XIRP2: variants seen among roughly 807,000 people sequenced by gnomAD.
XIRP2 encodes the protein xin actin binding repeat containing 2, also known as xin actin-binding repeat-containing protein 2.
XIRP2 carries 236 observed loss-of-function variants against 277.0 expected under a neutral mutation model. The ratio of observed to expected loss-of-function variants is 0.85; its 90% CI spans 0.77 to 0.95. XIRP2 has a LOEUF of 0.95. XIRP2 is among the 40% of genes least tolerant of loss of function. The pLI is 0.00. For missense variants in XIRP2, 4,640 were observed against 4,157.5 expected (o/e 1.12, Z -3.19); for synonymous variants, 1,490 against 1,416.5 (o/e 1.05, Z -1.17).
intron 2 of XIRP2, among the ~76,000 whole-genome samples, chr2:166,919,885 G>T (rs1427199438): frequency 1.3e-5 from 2 of 152,050 alleles, no homozygotes; most frequent in Non-Finnish European, 2.9e-5. Flanking sequence ...CACATTTAAA[G>T]ATAAAATCAA....
chr2:167,249,432 A>C lies in XIRP2; in HGVS notation c.8040A>C (p.Gln2680His), dbSNP rs773484388. 3.1e-6 allele frequency: 5 copies of C among 1,613,862 alleles called. No individual in the cohort carries two copies. Among genetic ancestry groups the C allele is most frequent in the Admixed American group, 1.7e-5 (1 of 59,974 alleles). Reference sequence around the variant, plus strand: ...CTTGCGAAATTAAACAAAGTCACCAAGAATGTAGTACCCAACAAACACAAC... The same window carrying C: ...CTTGCGAAATTAAACAAAGTCACCACGAATGTAGTACCCAACAAACACAAC... ...KSACEIKQSH[Q>H]ECSTQQTQQK... The change falls in exon 9 of 11, where the codon CAA becomes CAC. Residue 2680 changes from glutamine to histidine, a missense_variant. Gln to His is a conservative substitution (Grantham distance 24). Transcript: ENST00000409195.
intron 2 of XIRP2, among the ~76,000 whole-genome samples, chr2:167,075,974 C>A (rs549352476): frequency 1.3e-5 from 2 of 152,246 alleles, no homozygotes; most frequent in Non-Finnish European, 2.9e-5. Context: ...CCCCTCCAAG[C>A]CAAGACTTGT....
chr2:167,020,421 ATTAC>A (rs1187964816), intron 2 of XIRP2, among the ~76,000 whole-genome samples: 4 of 152,040 alleles, frequency 2.6e-5, no homozygotes, highest in East Asian at 1.9e-4. Context: ...ACCACAGATC[ATTAC>A]TTAATCTTTG....
At chr2:167,208,474 A>AT (rs1474854840) in intron 3 of XIRP2, among the ~76,000 whole-genome samples, 1 of 151,980 alleles carries the variant, frequency 6.6e-6, no homozygotes, top group Non-Finnish European at 1.5e-5. Flanking sequence ...TGCCTGGCTA[A>AT]TTTTTTGTAT....
At chr2:166,988,737 G>A (rs560847363) in intron 2 of XIRP2, among the ~76,000 whole-genome samples, 7 of 71,514 alleles carry the variant, frequency 9.8e-5, no homozygotes, top group Non-Finnish European at 1.6e-4. Context: ...ACTCCCACCC[G>A]AATATTGCGC....
rs1340749574 is a variant in XIRP2, at chr2:166,940,345, A to G, written c.408+36455A>G. The stretch of plus-strand genomic sequence containing the variant: ...CACTGGTTATTCTAGTTAGCCATTC[A>G]TCTAATCTTTTTTCAAGGTTTTTAG... On this transcript the variant is annotated intron_variant, in intron 2 of 10. Transcript: ENST00000409195. Among the ~76,000 whole-genome samples, 3 of 152,258 alleles carry G rather than the reference A, an allele frequency of 2.0e-5. No individual in the cohort carries two copies. The East Asian group carries it at 5.8e-4, about 29-fold the overall frequency.
intron 3 of XIRP2, among the ~76,000 whole-genome samples, chr2:167,194,917 T>C (rs79968435): frequency 0.011 from 1,680 of 152,318 alleles, 10 homozygotes; most frequent in Non-Finnish European, 0.016. Flanking sequence ...ATTACTACTA[T>C]TATTATTTAC....
At chr2:166,938,257 C>T (rs1685578445) in intron 2 of XIRP2, among the ~76,000 whole-genome samples, 1 of 152,166 alleles carries the variant, frequency 6.6e-6, no homozygotes, top group African/African-American at 2.4e-5. Flanking sequence ...CCTCTACACA[C>T]TGCTTTATCT....
chr2:167,016,727 A>G (rs1008004645), intron 2 of XIRP2, among the ~76,000 whole-genome samples: 1 of 151,932 alleles, frequency 6.6e-6, no homozygotes, highest in Non-Finnish European at 1.5e-5. Flanking sequence ...CAGGGAGAGT[A>G]CTCAGATTTG....
intron 2 of XIRP2, among the ~76,000 whole-genome samples, chr2:167,040,365 C>A (rs78310771): frequency 0.022 from 3,404 of 152,132 alleles, 101 homozygotes; most frequent in East Asian, 0.074. Context: ...CCTGGGATTG[C>A]TGAGCACAAG....
chr2:167,184,771 G>A, intron 3 of XIRP2: 1 of 623,220 alleles, frequency 1.6e-6, no homozygotes, highest in Admixed American at 2.8e-5. Flanking sequence ...GCATTGGCCT[G>A]ATGCTAATTA....
intron 3 of XIRP2, among the ~76,000 whole-genome samples, chr2:167,154,259 G>GT (rs1323595962): frequency 6.7e-6 from 1 of 149,588 alleles, no homozygotes; most frequent in Non-Finnish European, 1.5e-5. Flanking sequence ...GGGGTTGTTT[G>GT]TTTTTTTCTT....
intron 2 of XIRP2, among the ~76,000 whole-genome samples, chr2:167,048,805 A>G (rs546466842): frequency 9.4e-4 from 143 of 152,016 alleles, no homozygotes; most frequent in African/African-American, 3.3e-3. Flanking sequence ...TTTTCTTTCT[A>G]GCAAAAGCTT....
At chr2:167,093,162 T>C (rs112419477) in intron 2 of XIRP2, among the ~76,000 whole-genome samples, 4,759 of 151,946 alleles carry the variant, frequency 0.031, 101 homozygotes, top group East Asian at 0.05. Flanking sequence ...GCGTAATCAA[T>C]GCTATTAATC....
intron 2 of XIRP2, among the ~76,000 whole-genome samples, chr2:166,958,211 G>A (rs547400271): frequency 6.6e-6 from 1 of 152,022 alleles, no homozygotes; most frequent in South Asian, 2.1e-4. Flanking sequence ...GAGGGGCTAG[G>A]CGCATGCCCA....
At chr2:166,960,028 A>G (rs573581588) in intron 2 of XIRP2, among the ~76,000 whole-genome samples, 2 of 151,806 alleles carry the variant, frequency 1.3e-5, no homozygotes, top group Non-Finnish European at 2.9e-5. Context: ...TTCTTGTCAC[A>G]TGGGCTGTAA....
chr2:167,105,030 T>C (rs1361849458), intron 2 of XIRP2, among the ~76,000 whole-genome samples: 2 of 152,056 alleles, frequency 1.3e-5, no homozygotes, highest in Admixed American at 6.6e-5. Context: ...GATTTATATA[T>C]TGAATAGCAA....
At chr2:167,179,895 G>T (rs192696380) in intron 3 of XIRP2, among the ~76,000 whole-genome samples, 1 of 151,880 alleles carries the variant, frequency 6.6e-6, no homozygotes, top group Non-Finnish European at 1.5e-5. Flanking sequence ...TCATCCTTTC[G>T]CCCCACACAC....
chr2:167,248,491 C>T lies in XIRP2; in HGVS notation c.7099C>T (p.Pro2367Ser), dbSNP rs376097885. 44 of 1,613,580 alleles carry T rather than the reference C, an allele frequency of 2.7e-5. No individual in the cohort carries two copies. In the African/African-American group the frequency reaches 4.9e-4, roughly 18 times the overall value. ...AAGTTCATCGATGTTTCTGCCGCCT[C>T]CTCCTCCTCCAACTCCATCTCAAAA... ...RESSSMFLPP[P>S]PPPTPSQKPA... Residue 2367 changes from proline (P) to serine (S), a missense_variant, in exon 9 of 11, where the codon CCT becomes TCT. Physicochemically the swap from Pro to Ser is moderately conservative, Grantham distance 74. Coordinates refer to ENST00000409195, the MANE Select transcript of XIRP2 (RefSeq NM_152381.6).
Sources: gnomAD v4.1 joint callset for allele counts (sites outside exome capture counted in the v4.1 genomes callset) on GRCh38, gnomAD v4.1.1 for gene constraint, MANE v1.5 for transcripts, NCBI Gene and HGNC (gene_info 2026-07-23, HGNC 2026-07-21) for gene names.